The following PAGR1 variants were observed in gnomAD, a reference collection of about 807,000 sequenced individuals.
The protein encoded by PAGR1 is PAXIP1-associated glutamate-rich protein 1.
PAGR1 carries 20 observed loss-of-function variants against 22.4 expected under a neutral mutation model. The ratio of observed to expected loss-of-function variants is 0.89; its 90% CI spans 0.63 to 1.30. PAGR1 has a LOEUF of 1.30. PAGR1 is among the 50% of genes most tolerant of loss of function. The probability of loss-of-function intolerance (pLI) is 0.00; values close to 1 mark genes in which losing one functional copy is unlikely to be tolerated. For missense variants in PAGR1, 338 were observed against 343.6 expected (o/e 0.98, Z 0.13); for synonymous variants, 161 against 148.3 (o/e 1.09, Z -0.62).
chr16:29,816,762 T>A lies in PAGR1; in HGVS notation c.237T>A (p.Pro79=), dbSNP rs1022592936. 1 of 1,589,832 alleles carries A rather than the reference T, an allele frequency of 6.3e-7. No individual in the cohort carries two copies. The highest frequency in any genetic ancestry group is 1.8e-5 in the Admixed American group (1 of 55,548). The change falls in exon 1 of 3, where the codon CCT becomes CCA. Residue 79 remains proline, a synonymous_variant. Coordinates refer to ENST00000320330, the MANE Select transcript of PAGR1 (RefSeq NM_024516.4). The part of the protein sequence containing the change: ...GEVPSAGGEE[P]AEEDSEDWCV... ...TCCCCAGCGCTGGGGGAGAAGAGCC[T>A]GCCGAGGAGGACTCCGAGGACTGGT...
In PAGR1 at chr16:29,819,579, G is replaced by A; in HGVS notation, c.590G>A (p.Arg197Gln). ...TPGSSARSQK[R>Q]EARLDKVLSD... ...GGAAGCTCAGCCCGGAGCCAGAAAC[G>A]GGAGGCCCGCCTGGACAAGGTGCTG... is the stretch of plus-strand genomic sequence containing the variant. Residue 197 changes from arginine (R) to glutamine (Q), a missense_variant, in exon 3 of 3, where the codon CGG becomes CAG. This residue lies in a region of PAGR1 where 51 missense variants were observed against 83.1 expected (regional missense o/e 0.61). Transcript: ENST00000320330. 3 of 1,614,100 alleles carry A rather than the reference G, an allele frequency of 1.9e-6. No individual in the cohort carries two copies. The highest frequency in any genetic ancestry group is 1.6e-4 in the Middle Eastern group (1 of 6,062).
rs1346750142 is a variant in PAGR1, at chr16:29,821,907, A to G, written c.*2153A>G. On this transcript the variant is annotated 3_prime_UTR_variant, in exon 3 of 3. Coordinates refer to ENST00000320330, the MANE Select transcript of PAGR1 (RefSeq NM_024516.4). ...CAGTGAGTCAGAAGTGAGGCCTGCA[A>G]AAAGCAGCAGGAGTGGGGTTAAGAA... is the stretch of plus-strand genomic sequence containing the variant. Among the ~76,000 whole-genome samples, 2 of 152,148 alleles carry G rather than the reference A, an allele frequency of 1.3e-5. No individual in the cohort carries two copies. Among genetic ancestry groups the G allele is most frequent in the African/African-American group, 4.8e-5 (2 of 41,438 alleles).
Position 29,819,930 on chromosome 16 carries a change from T to C in PAGR1, c.*176T>C. On this transcript the variant is annotated 3_prime_UTR_variant, in exon 3 of 3. Coordinates refer to ENST00000320330, the MANE Select transcript of PAGR1 (RefSeq NM_024516.4). ...GAGTGTGTGTGTGTGTTTTTTCTAT[T>C]GAACACCTGTAGAGTGTGTGTGTGT... The C allele has an allele frequency of 4.5e-6, 3 of 673,172 alleles. No individual in the cohort carries two copies. The South Asian group carries it at 5.9e-5, about 13-fold the overall frequency. 41.7% of individuals were successfully genotyped at this position (673,172 alleles called of 1,614,324 possible). A position where few individuals can be genotyped will look rare whatever the true frequency, so the allele number is the denominator to read the frequency against.
chr16:29,816,671 A>AG lies in PAGR1; in HGVS notation c.151dup (p.Glu51GlyfsTer10), dbSNP rs748010806. 1 of 1,592,192 alleles carries AG rather than the reference A, an allele frequency of 6.3e-7. No individual in the cohort carries two copies. The highest frequency in any genetic ancestry group is 8.6e-7 in the Non-Finnish European group (1 of 1,167,226). ...GCCTCGGCCGGTAAGGCCGAGGACGAGGGGGAAGGAGGCCGAGAGGAGACC... is the reference window on the plus strand; with the variant it reads ...GCCTCGGCCGGTAAGGCCGAGGACGAGGGGGGAAGGAGGCCGAGAGGAGACC... On this transcript the variant is annotated frameshift_variant, in exon 1 of 3. Transcript: ENST00000320330. LOFTEE classifies it high-confidence loss of function.
In PAGR1 at chr16:29,819,653, G is replaced by A. The variant is rs768578648; in HGVS notation, c.664G>A (p.Gly222Arg). Residue 222 changes from glycine (G) to arginine (R), a missense_variant, in exon 3 of 3, where the codon GGG becomes AGG. Transcript: ENST00000320330. ...GCTGGAGGAGCAGATCCTTCGTACC[G>A]GGAGGGACCTCTTCAGCCTGGACTC... is the stretch of plus-strand genomic sequence containing the variant. Reference protein sequence around the residue: ...KKLEEQILRTGRDLFSLDSED... With the variant: ...KKLEEQILRTRRDLFSLDSED... 29 of 1,613,970 alleles carry A rather than the reference G, an allele frequency of 1.8e-5. No homozygotes were observed. Among genetic ancestry groups the A allele is most frequent in the Non-Finnish European group, 2.3e-5 (27 of 1,180,042 alleles).
intron 2 of PAGR1, among the ~76,000 whole-genome samples, 162 bp downstream of exon 2, chr16:29,817,454 A>G (rs1007127303): frequency 6.8e-6 from 1 of 146,352 alleles, no homozygotes; most frequent in African/African-American, 2.5e-5. Flanking sequence ...GACTTAGATT[A>G]CTACCTTGTC....
chr16:29,821,582 C>T lies in PAGR1; in HGVS notation c.*1828C>T, dbSNP rs2067361801. Among the ~76,000 whole-genome samples, 1 of 152,202 alleles carries T rather than the reference C, an allele frequency of 6.6e-6. No homozygotes were observed. Among genetic ancestry groups the T allele is most frequent in the Non-Finnish European group, 1.5e-5 (1 of 68,024 alleles). On this transcript the variant is annotated 3_prime_UTR_variant, in exon 3 of 3. Transcript: ENST00000320330. Reference sequence around the variant, plus strand: ...CATCTGGGCAGTACACAGCCCCACCCAGGTCCTCTAGTTCTTGTTCTCGGC... The same window carrying T: ...CATCTGGGCAGTACACAGCCCCACCTAGGTCCTCTAGTTCTTGTTCTCGGC...
At chr16:29,819,310 C>G in intron 2 of PAGR1, 1 of 535,402 alleles carries the variant, frequency 1.9e-6, no homozygotes, top group South Asian at 2.4e-5. Context: ...CCTGGGGCCT[C>G]TACCCTTGCC....
chr16:29,816,577 C>G lies in PAGR1; in HGVS notation c.52C>G (p.Leu18Val). The change falls in exon 1 of 3, where the codon CTG becomes GTG. Residue 18 changes from leucine to valine, a missense_variant. By Grantham distance (32) the Leu-to-Val change is conservative (BLOSUM62 1). Transcript: ENST00000320330. ...GDTAASTAAP[L>V]SEEGEVTSGL... Reference sequence around the variant, plus strand: ...CACTGCGGCCAGTACGGCGGCGCCTCTGTCTGAAGAAGGGGAAGTGACCTC... The same window carrying G: ...CACTGCGGCCAGTACGGCGGCGCCTGTGTCTGAAGAAGGGGAAGTGACCTC... The G allele has an allele frequency of 2.6e-6, 4 of 1,512,890 alleles. No homozygotes were observed. Among genetic ancestry groups the G allele is most frequent in the Non-Finnish European group, 3.5e-6 (4 of 1,133,294 alleles). 93.7% of individuals were successfully genotyped at this position (1,512,890 alleles called of 1,614,324 possible).
At chr16:29,819,318 GC>G in intron 2 of PAGR1, 2 of 545,358 alleles carry the variant, frequency 3.7e-6, no homozygotes, top group Non-Finnish European at 6.6e-6. Context: ...CTCTACCCTT[GC>G]CATTCCCCTG....
rs1267916713 is a variant in PAGR1, at chr16:29,816,781, G to A, written c.256G>A (p.Asp86Asn). The A allele has an allele frequency of 1.1e-5, 18 of 1,580,290 alleles. No homozygotes were observed. The highest frequency in any genetic ancestry group is 5.6e-5 in the Admixed American group (3 of 53,982). Reference protein sequence around the residue: ...GEEPAEEDSEDWCVPCSDEEV... With the variant: ...GEEPAEEDSENWCVPCSDEEV... ...AGAGCCTGCCGAGGAGGACTCCGAG[G>A]ACTGGTGCGTGCCCTGCAGCGACGA... Residue 86 changes from aspartate to asparagine, a missense_variant, in exon 1 of 3, where the codon GAC (aspartate) becomes AAC (asparagine). By Grantham distance (23) the Asp-to-Asn change is conservative. Transcript: ENST00000320330.
In PAGR1 at chr16:29,816,907, C is replaced by A. The variant is rs1461853593; in HGVS notation, c.382C>A (p.Gln128Lys). The change falls in exon 1 of 3, where the codon CAA (glutamine) becomes AAA (lysine). Residue 128 changes from glutamine to lysine, a missense_variant. By Grantham distance (53) the Gln-to-Lys change is moderately conservative. Transcript: ENST00000320330. ...GGCTGCCCACGGTACTCTGGAGCTG[C>A]AAGCCGAGATCCTGCCCCGCCGGCC... is the stretch of plus-strand genomic sequence containing the variant. ...LLAAHGTLEL[Q>K]AEILPRRPPT... 1 of 1,561,704 alleles carries A rather than the reference C, an allele frequency of 6.4e-7. No individual in the cohort carries two copies. Among genetic ancestry groups the A allele is most frequent in the African/African-American group, 1.4e-5 (1 of 73,964 alleles).
rs1006359609 is a variant in PAGR1 at position 29,822,103 on chromosome 16, T to A, written c.*2349T>A. 6.0e-5 allele frequency among the ~76,000 whole-genome samples: 9 copies of A among 150,894 alleles called. No homozygotes were observed. The highest frequency in any genetic ancestry group is 2.0e-4 in the African/African-American group (8 of 41,002). ...TGGGGTTTTGTTTTTTTTTTTTTTTTAAAGAATTATAGCTCAGTCCTATGA... is the reference window on the plus strand; with the variant it reads ...TGGGGTTTTGTTTTTTTTTTTTTTTAAAAGAATTATAGCTCAGTCCTATGA... On this transcript the variant is annotated 3_prime_UTR_variant, in exon 3 of 3. Coordinates refer to ENST00000320330, the MANE Select transcript of PAGR1 (RefSeq NM_024516.4).
At position 29,820,687 on chromosome 16, in the gene PAGR1, C is replaced by G. The variant is rs2150747965; in HGVS notation, c.*933C>G. 6.6e-6 allele frequency among the ~76,000 whole-genome samples: 1 copy of G among 152,270 alleles called. No homozygotes were observed. The highest frequency in any genetic ancestry group is 1.9e-4 in the East Asian group (1 of 5,180). Reference sequence around the variant, plus strand: ...GTGGTGGCTTTGCTTTTGGAGGTTTCACTTTCCAATAGTTGGGAGTCTTCT... The same window carrying G: ...GTGGTGGCTTTGCTTTTGGAGGTTTGACTTTCCAATAGTTGGGAGTCTTCT... On this transcript the variant is annotated 3_prime_UTR_variant, in exon 3 of 3. Transcript: ENST00000320330.
At chr16:29,818,591 T>G (rs1900294042) in intron 2 of PAGR1, 1 of 152,188 alleles carries the variant, frequency 6.6e-6, no homozygotes, top group African/African-American at 2.4e-5. Flanking sequence ...TGAGACGAAG[T>G]CTTTCTCTTG....
At position 29,821,336 on chromosome 16, in the gene PAGR1, G is replaced by A. The variant is rs528844233; in HGVS notation, c.*1582G>A. ...CCCTTGGCACACAGAGCACTGGGTC[G>A]GCCCTCGGGTGTGGCTGTTTGGGCA... On this transcript the variant is annotated 3_prime_UTR_variant, in exon 3 of 3. Transcript: ENST00000320330. The A allele has an allele frequency of 1.3e-5, 2 of 152,370 alleles. No individual in the cohort carries two copies. Among genetic ancestry groups the A allele is most frequent in the East Asian group, 1.9e-4 (1 of 5,176 alleles). The allele number at this position is 152,370 out of a possible 1,614,324, so 9.4% of individuals were successfully genotyped here. A position where few individuals can be genotyped will look rare whatever the true frequency, so the allele number is the denominator to read the frequency against.
chr16:29,816,711 C>CG lies in PAGR1; in HGVS notation c.191dup (p.Glu65ArgfsTer53). 6.2e-7 allele frequency: 1 copy of CG among 1,609,264 alleles called. No individual in the cohort carries two copies. Among genetic ancestry groups the CG allele is most frequent in the African/African-American group, 1.3e-5 (1 of 74,940 alleles). ...GAGAGGAGACCGAGCGTGAGGGGTC[C>CG]GGGGGCGAGGAGGCGCAGGGAGAAG... On this transcript the variant is annotated frameshift_variant, in exon 1 of 3. Coordinates refer to ENST00000320330, the MANE Select transcript of PAGR1 (RefSeq NM_024516.4). LOFTEE classifies it high-confidence loss of function.
intron 2 of PAGR1, 39 bp from the exon 3 acceptor site, chr16:29,819,516 C>G (rs755429626): frequency 1.2e-6 from 2 of 1,608,822 alleles, no homozygotes; most frequent in South Asian, 2.2e-5. Flanking sequence ...TGTACACCAC[C>G]TCCATCCCTT....
chr16:29,819,496 G>T, intron 2 of PAGR1, 59 bp from the exon 3 acceptor site: 1 of 1,566,154 alleles, frequency 6.4e-7, no homozygotes, highest in Non-Finnish European at 8.8e-7. Context: ...TGAGGTCCAG[G>T]CAGGTATGGT....
Sources: allele counts gnomAD v4.1 joint callset (sites outside exome capture counted in the v4.1 genomes callset), GRCh38; gene constraint gnomAD v4.1.1; regional missense constraint gnomAD v4.1.1; transcripts MANE v1.5; gene names NCBI Gene and HGNC (gene_info 2026-07-23, HGNC 2026-07-21).